The following ANKS1B variants were observed in gnomAD, a reference collection of about 807,000 sequenced individuals.
The protein encoded by ANKS1B is ankyrin repeat and sterile alpha motif domain containing 1B, also known as ankyrin repeat and sterile alpha motif domain-containing protein 1B.
A neutral mutation model predicts 148.3 loss-of-function variants in ANKS1B; 36 were observed. The ratio of observed to expected loss-of-function variants is 0.24; its 90% CI spans 0.19 to 0.32. The LOEUF (loss-of-function observed/expected upper bound fraction) is 0.32. ANKS1B is among the 10% of genes least tolerant of loss of function. The pLI, the probability that ANKS1B is intolerant of heterozygous loss-of-function variation, is 1.00. For missense variants in ANKS1B, 1,157 were observed against 1,542.6 expected (o/e 0.75, Z 4.19); for synonymous variants, 542 against 560.8 (o/e 0.97, Z 0.47).
chr12:99,893,983 C>G (rs2093258478), intron 1 of ANKS1B, among the ~76,000 whole-genome samples: 1 of 151,830 alleles, frequency 6.6e-6, no homozygotes, highest in African/African-American at 2.4e-5. Flanking sequence ...AATGGACAAC[C>G]AAGGATCACA....
rs1349422734 is a variant in ANKS1B at position 99,090,392 on chromosome 12, CTT to C, written c.2527-5371_2527-5370del. 3.9e-5 allele frequency among the ~76,000 whole-genome samples: 6 copies of C among 152,028 alleles called. No individual in the cohort carries two copies. In the East Asian group the frequency reaches 1.2e-3, roughly 29 times the overall value. ...GGAACTGGCTTATTCTTAATATAAA[CTT>C]GAGTTGGATAATGTTATTTATTCTC... On this transcript the variant is annotated intron_variant, in intron 15 of 26. Coordinates refer to ENST00000683438, the MANE Select transcript of ANKS1B (RefSeq NM_001352186.2).
chr12:99,092,163 G>A (rs958035466), intron 15 of ANKS1B, among the ~76,000 whole-genome samples: 9 of 152,080 alleles, frequency 5.9e-5, no homozygotes, highest in East Asian at 1.9e-4. Flanking sequence ...TAGTCTAAAC[G>A]TTCCCTAACT....
intron 17 of ANKS1B, among the ~76,000 whole-genome samples, chr12:98,932,481 G>A (rs530341204): frequency 6.6e-6 from 1 of 152,132 alleles, no homozygotes; most frequent in African/African-American, 2.4e-5. Flanking sequence ...GGCAAGCGGC[G>A]AAGACCAAAA....
chr12:99,118,767 C>A (rs527749798), intron 15 of ANKS1B, among the ~76,000 whole-genome samples: 1 of 152,050 alleles, frequency 6.6e-6, no homozygotes, highest in African/African-American at 2.4e-5. Flanking sequence ...TGACTGCAGG[C>A]GACTTTAACA....
intron 1 of ANKS1B, among the ~76,000 whole-genome samples, chr12:99,924,899 T>A (rs2094448679): frequency 1.3e-5 from 2 of 152,196 alleles, no homozygotes; most frequent in African/African-American, 4.8e-5. Flanking sequence ...ACTCTATTTC[T>A]GTATCCTTGC....
chr12:98,746,117 G>T (rs1473404964), intron 26 of ANKS1B, among the ~76,000 whole-genome samples: 1 of 152,200 alleles, frequency 6.6e-6, no homozygotes, highest in African/African-American at 2.4e-5. Flanking sequence ...GGATTTCAGT[G>T]CTGAGAGGTG....
chr12:99,336,416 T>C (rs941669284), intron 12 of ANKS1B, among the ~76,000 whole-genome samples: 1 of 152,156 alleles, frequency 6.6e-6, no homozygotes, highest in Non-Finnish European at 1.5e-5. Context: ...CTGGTGCTTG[T>C]GGGGTATTTT....
chr12:99,049,095 T>A (rs562044798), intron 17 of ANKS1B: 9 of 152,370 alleles, frequency 5.9e-5, no homozygotes, highest in African/African-American at 2.2e-4. Context: ...AAGTGCTGAC[T>A]GATGTAACCT....
At chr12:99,395,066 T>C (rs1344779530) in intron 12 of ANKS1B, among the ~76,000 whole-genome samples, 7 of 152,192 alleles carry the variant, frequency 4.6e-5, no homozygotes, top group Admixed American at 1.3e-4. Flanking sequence ...CCATTGGATC[T>C]GCCTTAAAAA....
intron 9 of ANKS1B, among the ~76,000 whole-genome samples, chr12:99,523,118 A>C (rs1475958773): frequency 6.6e-6 from 1 of 152,174 alleles, no homozygotes; most frequent in Non-Finnish European, 1.5e-5. Flanking sequence ...GCACAGCTCT[A>C]TTCTTAGCCA....
At chr12:99,158,465 T>C (rs1235234673) in intron 14 of ANKS1B, among the ~76,000 whole-genome samples, 1 of 152,262 alleles carries the variant, frequency 6.6e-6, no homozygotes, top group East Asian at 1.9e-4. Flanking sequence ...TTCTTTGTCA[T>C]AGTCTTTTAA....
chr12:99,710,702 T>C (rs1175897593), intron 8 of ANKS1B, among the ~76,000 whole-genome samples: 2 of 152,128 alleles, frequency 1.3e-5, no homozygotes, highest in Non-Finnish European at 2.9e-5. Context: ...TATGAACAGC[T>C]GAAAATACAA....
chr12:99,741,344 T>C (rs2060094654), intron 8 of ANKS1B, among the ~76,000 whole-genome samples: 1 of 152,026 alleles, frequency 6.6e-6, no homozygotes, highest in Non-Finnish European at 1.5e-5. Context: ...TGGCAATTCC[T>C]CAAGGATCTA....
intron 3 of ANKS1B, 85 bp from the exon 4 acceptor site, chr12:99,806,785 T>C: frequency 8.3e-7 from 1 of 1,199,390 alleles, no homozygotes; most frequent in Non-Finnish European, 1.2e-6. Context: ...AAACCTGCAA[T>C]GCTTTGAAAT....
At chr12:99,892,530 G>T (rs2093168196) in intron 1 of ANKS1B, among the ~76,000 whole-genome samples, 1 of 152,102 alleles carries the variant, frequency 6.6e-6, no homozygotes, top group Admixed American at 6.5e-5. Flanking sequence ...ACCAGAAGTG[G>T]AAAAAGCCAA....
intron 12 of ANKS1B, among the ~76,000 whole-genome samples, chr12:99,383,093 T>C (rs2093710554): frequency 6.6e-6 from 1 of 152,124 alleles, no homozygotes; most frequent in African/African-American, 2.4e-5. Context: ...CTGTAACAAC[T>C]AGTTTCACTC....
At chr12:98,862,658 T>G (rs1404811248) in intron 17 of ANKS1B, among the ~76,000 whole-genome samples, 1 of 152,180 alleles carries the variant, frequency 6.6e-6, no homozygotes, top group Non-Finnish European at 1.5e-5. Context: ...ACTGGGGAAA[T>G]GCATTCATAT....
chr12:99,543,137 G>A (rs2097142311), intron 9 of ANKS1B, among the ~76,000 whole-genome samples: 1 of 151,834 alleles, frequency 6.6e-6, no homozygotes, highest in African/African-American at 2.4e-5. Context: ...ACAATAAAAA[G>A]ACAAATTATC....
At chr12:99,724,799 A>G (rs1035442791) in intron 8 of ANKS1B, among the ~76,000 whole-genome samples, 1 of 152,246 alleles carries the variant, frequency 6.6e-6, no homozygotes, top group African/African-American at 2.4e-5. Context: ...TCAGACTAAC[A>G]GCAGACCTCT....
Sources: allele counts gnomAD v4.1 joint callset (sites outside exome capture counted in the v4.1 genomes callset), GRCh38; gene constraint gnomAD v4.1.1; transcripts MANE v1.5; gene names NCBI Gene and HGNC (gene_info 2026-07-23, HGNC 2026-07-21).